RSPO2: variants seen among roughly 807,000 people sequenced by gnomAD.
The protein encoded by RSPO2 is R-spondin-2.
A neutral mutation model predicts 30.9 loss-of-function variants in RSPO2; 14 were observed. That is an observed-to-expected ratio of 0.45 (90% CI 0.30 to 0.71). RSPO2 has a LOEUF of 0.71. RSPO2 is among the 30% of genes least tolerant of loss of function. RSPO2 has a pLI of 0.08. For missense variants in RSPO2, 264 were observed against 301.9 expected (o/e 0.87, Z 0.93); for synonymous variants, 107 against 96.4 (o/e 1.11, Z -0.64).
intron 5 of RSPO2, among the ~76,000 whole-genome samples, chr8:107,930,676 C>A (rs491126): frequency 0.55 from 83,035 of 152,052 alleles, 24,411 homozygotes; most frequent in East Asian, 0.7. Context: ...ATCCCTAAAT[C>A]AATCATCTAA....
chr8:107,991,249 A>AACACAC (rs60247229), intron 2 of RSPO2, among the ~76,000 whole-genome samples: 2,497 of 133,440 alleles, frequency 0.019, 83 homozygotes, highest in African/African-American at 0.057. Flanking sequence ...CTCCATCTCA[A>AACACAC]ACACACACAC....
intron 2 of RSPO2, among the ~76,000 whole-genome samples, chr8:107,993,212 ATAACTT>A (rs1814909259): frequency 2.6e-5 from 4 of 152,318 alleles, no homozygotes; most frequent in Middle Eastern, 6.8e-3. Flanking sequence ...TGTAATTACT[ATAACTT>A]TAAGTTCCTA....
At chr8:107,951,240 CAG>C (rs1472685540) in intron 5 of RSPO2, among the ~76,000 whole-genome samples, 16 of 151,802 alleles carry the variant, frequency 1.1e-4, no homozygotes, top group African/African-American at 3.4e-4. Context: ...ATTTTTAGTA[CAG>C]AGTTTCACCA....
intron 2 of RSPO2, among the ~76,000 whole-genome samples, chr8:108,039,353 G>A (rs1811687388): frequency 6.6e-6 from 1 of 152,008 alleles, no homozygotes; most frequent in African/African-American, 2.4e-5. Context: ...TAAAATGCTT[G>A]TTTTAGAGGT....
At chr8:108,043,186 G>A (rs1302200407) in intron 2 of RSPO2, among the ~76,000 whole-genome samples, 1 of 152,098 alleles carries the variant, frequency 6.6e-6, no homozygotes, top group African/African-American at 2.4e-5. Flanking sequence ...CTTGATAAAT[G>A]GGGCTTTTAA....
chr8:108,033,939 A>C (rs1811509480), intron 2 of RSPO2, among the ~76,000 whole-genome samples: 1 of 152,140 alleles, frequency 6.6e-6, no homozygotes, highest in Non-Finnish European at 1.5e-5. Context: ...CTTTGTGTGC[A>C]TTTTTCTAAG....
intron 3 of RSPO2, among the ~76,000 whole-genome samples, chr8:107,977,482 G>A (rs535699155): frequency 1.1e-4 from 16 of 152,270 alleles, no homozygotes; most frequent in Admixed American, 2.6e-4. Flanking sequence ...AGCAGTATGT[G>A]TCAACAATGA....
chr8:108,009,594 C>T (rs1383945177), intron 2 of RSPO2, among the ~76,000 whole-genome samples: 1 of 152,116 alleles, frequency 6.6e-6, no homozygotes, highest in Non-Finnish European at 1.5e-5. Context: ...TTATTTTTAG[C>T]TCTTAGCTTT....
At chr8:107,918,465 C>T (rs1044834130) in intron 5 of RSPO2, among the ~76,000 whole-genome samples, 1 of 152,114 alleles carries the variant, frequency 6.6e-6, no homozygotes, top group Non-Finnish European at 1.5e-5. Flanking sequence ...CACTAAGACC[C>T]TCTTGAGAAA....
rs191038000 is a variant in RSPO2, at chr8:107,934,407, T to G, written c.616+23673A>C. Among the ~76,000 whole-genome samples the G allele has an allele frequency of 3.0e-3, 453 of 151,910 alleles. 2 individuals are homozygous for G. Among genetic ancestry groups the G allele is most frequent in the Middle Eastern group, 0.014 (4 of 294 alleles). ...TTTTTTATTAGACAGAGTTTCACTC[T>G]TGTTGCCCAGGCTGGAGTGCAATGG... On this transcript the variant is annotated intron_variant, in intron 5 of 5. Coordinates refer to ENST00000276659, the MANE Select transcript of RSPO2 (RefSeq NM_178565.5).
chr8:107,966,101 G>A (rs79272822), intron 3 of RSPO2, among the ~76,000 whole-genome samples: 4,516 of 152,142 alleles, frequency 0.03, 252 homozygotes, highest in African/African-American at 0.1. Flanking sequence ...TGGTTACTTG[G>A]GTTTAGAAGC....
chr8:107,977,758 G>T (rs1038222917), intron 3 of RSPO2, among the ~76,000 whole-genome samples: 2 of 152,076 alleles, frequency 1.3e-5, no homozygotes, highest in Non-Finnish European at 2.9e-5. Flanking sequence ...GCCACAGGTA[G>T]ATGATGTAGC....
At chr8:108,020,369 A>G (rs1301332361) in intron 2 of RSPO2, among the ~76,000 whole-genome samples, 1 of 152,146 alleles carries the variant, frequency 6.6e-6, no homozygotes, top group Middle Eastern at 3.2e-3. Context: ...TCTCCACTAT[A>G]CAATCACCAG....
At chr8:108,078,687 ACTATAT>A (rs1353420700) in intron 2 of RSPO2, among the ~76,000 whole-genome samples, 1 of 152,226 alleles carries the variant, frequency 6.6e-6, no homozygotes, top group African/African-American at 2.4e-5. Flanking sequence ...TATGGAAGAA[ACTATAT>A]CTAATTTTGT....
intron 2 of RSPO2, among the ~76,000 whole-genome samples, chr8:108,042,863 C>T (rs1811798796): frequency 6.6e-6 from 1 of 152,142 alleles, no homozygotes. Flanking sequence ...GACCCTCCTT[C>T]CTTCACATGA....
intron 2 of RSPO2, among the ~76,000 whole-genome samples, chr8:108,003,909 C>CGT (rs1815365770): frequency 1.3e-5 from 2 of 152,146 alleles, no homozygotes; most frequent in Non-Finnish European, 2.9e-5. Context: ...AATATATGTA[C>CGT]AGCACCTAGG....
At chr8:108,020,915 T>C (rs1226231537) in intron 2 of RSPO2, among the ~76,000 whole-genome samples, 1 of 152,208 alleles carries the variant, frequency 6.6e-6, no homozygotes, top group African/African-American at 2.4e-5. Context: ...TCACCTCCTA[T>C]ACATTTTCAT....
At chr8:107,974,664 T>G (rs1398209051) in intron 3 of RSPO2, among the ~76,000 whole-genome samples, 2 of 151,962 alleles carry the variant, frequency 1.3e-5, no homozygotes, top group African/African-American at 2.4e-5. Flanking sequence ...TCCACATTTG[T>G]TGAGGGAAGA....
At chr8:107,960,614 T>C in intron 4 of RSPO2, 60 bp downstream of exon 4, 1 of 1,508,774 alleles carries the variant, frequency 6.6e-7, no homozygotes, top group African/African-American at 1.4e-5. Flanking sequence ...ATGCATATTT[T>C]TAAGAAACAA....
Sources: gnomAD v4.1 joint callset for allele counts (sites outside exome capture counted in the v4.1 genomes callset) on GRCh38, gnomAD v4.1.1 for gene constraint, MANE v1.5 for transcripts, NCBI Gene and HGNC (gene_info 2026-07-23, HGNC 2026-07-21) for gene names.